Variants in DLGAP4 observed in about 807,000 individuals in gnomAD.
DLGAP4 encodes disks large-associated protein 4.
In DLGAP4, 18 loss-of-function variants were observed where a neutral mutation model predicts 86.9. The ratio of observed to expected loss-of-function variants is 0.21; its 90% confidence interval spans 0.14 to 0.31. DLGAP4 has a LOEUF of 0.31. Ranked by LOEUF, DLGAP4 falls within the 10% of genes least tolerant of loss-of-function variation. The pLI is 1.00. For missense variants in DLGAP4, 1,085 were observed against 1,362.6 expected (o/e 0.80, Z 3.21); for synonymous variants, 548 against 574.3 (o/e 0.95, Z 0.65).
intron 12 of DLGAP4, among the ~76,000 whole-genome samples, chr20:36,526,529 C>T (rs1285120334): frequency 2.0e-5 from 3 of 152,018 alleles, no homozygotes; most frequent in East Asian, 1.9e-4. Context: ...GCCCGAGTCT[C>T]GGGCTCCCGG....
chr20:36,311,113 A>T (rs1401227484), intron 1 of DLGAP4, among the ~76,000 whole-genome samples: 2 of 152,056 alleles, frequency 1.3e-5, no homozygotes, highest in Non-Finnish European at 2.9e-5. Context: ...AACCCATTTC[A>T]TCCCCCCATC....
chr20:36,321,086 A>G (rs782643532), intron 1 of DLGAP4, among the ~76,000 whole-genome samples: 11 of 152,248 alleles, frequency 7.2e-5, no homozygotes, highest in Non-Finnish European at 1.3e-4. Flanking sequence ...CACAAAGACA[A>G]CAGCAGGTAC....
At chr20:36,340,397 C>T (rs1044211104) in intron 1 of DLGAP4, among the ~76,000 whole-genome samples, 7 of 152,234 alleles carry the variant, frequency 4.6e-5, no homozygotes, top group East Asian at 1.9e-4. Context: ...GGCTGCTTCT[C>T]GGGAGAGACC....
intron 7 of DLGAP4, among the ~76,000 whole-genome samples, chr20:36,460,118 C>T (rs941151422): frequency 2.0e-5 from 3 of 152,180 alleles, no homozygotes; most frequent in African/African-American, 7.2e-5. Context: ...GATATTTCAT[C>T]TTATGCTGTG....
intron 2 of DLGAP4, among the ~76,000 whole-genome samples, chr20:36,403,483 G>A (rs890163887): frequency 1.3e-5 from 2 of 152,242 alleles, no homozygotes; most frequent in African/African-American, 2.4e-5. Context: ...AAGGGAGCTT[G>A]TGTTACCTAT....
chr20:36,361,365 G>A (rs2030513301), intron 1 of DLGAP4, among the ~76,000 whole-genome samples: 1 of 152,204 alleles, frequency 6.6e-6, no homozygotes, highest in South Asian at 2.1e-4. Flanking sequence ...GCCTGAGGTG[G>A]CAAGGTTTGG....
chr20:36,481,215 G>A lies in DLGAP4; in HGVS notation c.1649-15490G>A, dbSNP rs187658656. On this transcript the variant is annotated intron_variant, in intron 7 of 12. Transcript: ENST00000339266. ...TTTTCTAGGTCCTTCTTCCATCTTTGGCCAGCTCTGCTTCTTAGAAAGCTC... is the reference window on the plus strand; with the variant it reads ...TTTTCTAGGTCCTTCTTCCATCTTTAGCCAGCTCTGCTTCTTAGAAAGCTC... 9.2e-4 allele frequency among the ~76,000 whole-genome samples: 140 copies of A among 152,186 alleles called. 1 individual carries two copies. The highest frequency in any genetic ancestry group is 3.3e-3 in the African/African-American group (137 of 41,512).
At chr20:36,422,290 A>C (rs1193133003) in intron 2 of DLGAP4, among the ~76,000 whole-genome samples, 2 of 152,152 alleles carry the variant, frequency 1.3e-5, no homozygotes, top group Non-Finnish European at 2.9e-5. Flanking sequence ...TTCATCATCT[A>C]ACTCAGCATT....
At position 36,467,061 on chromosome 20, in the gene DLGAP4, T is replaced by C. The variant is rs1330762791; in HGVS notation, c.1648+20124T>C. On this transcript the variant is annotated intron_variant, in intron 7 of 12. Coordinates refer to ENST00000339266, the MANE Select transcript of DLGAP4 (RefSeq NM_001365621.2). ...CTCTCTCTCTCTCTCTCTCTCTCTC[T>C]CTCCCCCCCCCTTCTCTCGGCCCTG... Among the ~76,000 whole-genome samples the C allele has an allele frequency of 6.6e-3, 331 of 50,180 alleles. 1 individual carries two copies. The highest frequency in any genetic ancestry group is 0.011 in the Non-Finnish European group (230 of 20,924). 32.9% of individuals were successfully genotyped at this position (50,180 alleles called of 152,430 possible). A position where few individuals can be genotyped will look rare whatever the true frequency, so the allele number is the denominator to read the frequency against.
intron 2 of DLGAP4, among the ~76,000 whole-genome samples, chr20:36,413,242 T>C (rs1441595395): frequency 6.6e-6 from 1 of 151,708 alleles, no homozygotes; most frequent in East Asian, 1.9e-4. Flanking sequence ...GCTCCCAAAG[T>C]GTTGGGATTA....
intron 1 of DLGAP4, among the ~76,000 whole-genome samples, chr20:36,348,087 A>G (rs2030005544): frequency 6.6e-6 from 1 of 152,134 alleles, no homozygotes; most frequent in Non-Finnish European, 1.5e-5. Context: ...AACTGCACCT[A>G]TGACTTCTGT....
At chr20:36,509,130 T>G (rs1444951104) in intron 10 of DLGAP4, among the ~76,000 whole-genome samples, 1 of 152,216 alleles carries the variant, frequency 6.6e-6, no homozygotes, top group East Asian at 1.9e-4. Flanking sequence ...ATTCTCAGTA[T>G]TTTTCAAATT....
At chr20:36,373,260 C>T (rs1287731590) in intron 2 of DLGAP4, among the ~76,000 whole-genome samples, 2 of 152,180 alleles carry the variant, frequency 1.3e-5, no homozygotes, top group Admixed American at 6.5e-5. Context: ...GCTTCAGGCT[C>T]AGCTGGATCC....
intron 7 of DLGAP4, among the ~76,000 whole-genome samples, chr20:36,466,517 A>G (rs1186528021): frequency 1.3e-5 from 2 of 152,154 alleles, no homozygotes; most frequent in Non-Finnish European, 1.5e-5. Context: ...ACAGGAATGT[A>G]ATGAGGTTGA....
intron 8 of DLGAP4, 73 bp from the exon 9 acceptor site, chr20:36,499,515 G>A: frequency 1.3e-6 from 2 of 1,492,552 alleles, no homozygotes; most frequent in Admixed American, 1.9e-5. Context: ...GTGAATTTCA[G>A]CAGCAAGTGT....
intron 7 of DLGAP4, among the ~76,000 whole-genome samples, chr20:36,475,773 C>A (rs1450518430): frequency 6.6e-6 from 1 of 152,122 alleles, no homozygotes; most frequent in Non-Finnish European, 1.5e-5. Flanking sequence ...TGAGTAAAAT[C>A]AAAGCAGTTT....
At chr20:36,484,354 T>C (rs1395553316) in intron 7 of DLGAP4, among the ~76,000 whole-genome samples, 1 of 152,216 alleles carries the variant, frequency 6.6e-6, no homozygotes, top group Admixed American at 6.5e-5. Context: ...GCTTAACCTC[T>C]TCTCTGACTC....
intron 1 of DLGAP4, among the ~76,000 whole-genome samples, chr20:36,311,235 G>GT (rs2065050543): frequency 6.6e-6 from 1 of 151,556 alleles, no homozygotes; most frequent in African/African-American, 2.4e-5. Flanking sequence ...TCGGAGGGTG[G>GT]GGGGGGTGGA....
intron 10 of DLGAP4, among the ~76,000 whole-genome samples, chr20:36,511,824 G>A (rs1351742645): frequency 2.0e-5 from 3 of 147,992 alleles, no homozygotes; most frequent in African/African-American, 7.5e-5. Flanking sequence ...GCGGTGAGCC[G>A]AGATCATGCC....
Sources: allele counts gnomAD v4.1 joint callset (sites outside exome capture counted in the v4.1 genomes callset), GRCh38; gene constraint gnomAD v4.1.1; transcripts MANE v1.5; gene names NCBI Gene and HGNC (gene_info 2026-07-23, HGNC 2026-07-21).